TBC1D5: variants seen among roughly 807,000 people sequenced by gnomAD.
The protein encoded by TBC1D5 is TBC1 domain family, member 5.
TBC1D5 carries 75 observed loss-of-function variants against 100.3 expected under a neutral mutation model. The observed-to-expected ratio is 0.75, with a 90% confidence interval of 0.62 to 0.91. The LOEUF (loss-of-function observed/expected upper bound fraction) is 0.91, where lower values mean the gene tolerates loss of function less well. Among genes scored for constraint, TBC1D5 ranks in the 40% least tolerant of loss-of-function variants. TBC1D5 has a pLI of 0.00. For synonymous variants in TBC1D5, 323 were observed against 325.6 expected, an observed-to-expected ratio of 0.99 and a Z score of 0.09; for missense variants, 910 against 942.4, an observed-to-expected ratio of 0.97 and a Z score of 0.45.
intron 2 of TBC1D5, among the ~76,000 whole-genome samples, chr3:17,615,801 C>T (rs758347178): frequency 6.6e-5 from 10 of 152,082 alleles, no homozygotes; most frequent in Admixed American, 1.3e-4. Flanking sequence ...GTCTTGCTAG[C>T]GGTCTATCAA....
At chr3:17,714,692 G>T (rs1041337097) in intron 1 of TBC1D5, among the ~76,000 whole-genome samples, 3 of 152,224 alleles carry the variant, frequency 2.0e-5, no homozygotes, top group African/African-American at 7.2e-5. Context: ...AAACAAGTCA[G>T]GCATGGTGGC....
chr3:17,448,923 C>G (rs943562050), intron 3 of TBC1D5, among the ~76,000 whole-genome samples: 1 of 152,220 alleles, frequency 6.6e-6, no homozygotes, highest in African/African-American at 2.4e-5. Flanking sequence ...GACTTCTCCT[C>G]TTTAGCTATA....
chr3:17,721,325 A>G (rs1031865763), intron 1 of TBC1D5, among the ~76,000 whole-genome samples: 3 of 152,176 alleles, frequency 2.0e-5, no homozygotes, highest in South Asian at 2.1e-4. Context: ...TTGGAAAACA[A>G]AAGTGTAATG....
intron 2 of TBC1D5, among the ~76,000 whole-genome samples, chr3:17,620,921 T>C (rs2062608823): frequency 6.6e-6 from 1 of 152,214 alleles, no homozygotes; most frequent in Non-Finnish European, 1.5e-5. Flanking sequence ...TTTGGTTACA[T>C]ACCCACAGGA....
chr3:17,401,339 GTATAATATACATA>G (rs1559805883), intron 8 of TBC1D5, among the ~76,000 whole-genome samples: 6 of 21,130 alleles, frequency 2.8e-4, no homozygotes, highest in African/African-American at 1.1e-3. Context: ...ATACATATAT[GTATAATATACATA>G]TATATGTATG....
At chr3:17,423,016 T>C (rs1219195970) in intron 4 of TBC1D5, among the ~76,000 whole-genome samples, 1 of 152,152 alleles carries the variant, frequency 6.6e-6, no homozygotes, top group Non-Finnish European at 1.5e-5. Flanking sequence ...CTATACCAAC[T>C]TTAATTTTTT....
At chr3:17,627,724 C>A (rs2063174168) in intron 1 of TBC1D5, among the ~76,000 whole-genome samples, 1 of 150,174 alleles carries the variant, frequency 6.7e-6, no homozygotes. Context: ...GAGACGAAAA[C>A]TAAATATCTG....
chr3:17,194,076 T>A (rs1388146810), intron 18 of TBC1D5, among the ~76,000 whole-genome samples: 2 of 152,200 alleles, frequency 1.3e-5, no homozygotes, highest in African/African-American at 2.4e-5. Flanking sequence ...GGTTGGGGCC[T>A]AAGATTCTGC....
chr3:17,354,553 C>T (rs1367850980), intron 13 of TBC1D5, among the ~76,000 whole-genome samples: 6 of 152,108 alleles, frequency 3.9e-5, no homozygotes, highest in Admixed American at 2.6e-4. Flanking sequence ...TTAAAATTAC[C>T]TCCGAGTTGG....
chr3:17,276,449 T>C (rs1199442812), intron 15 of TBC1D5, among the ~76,000 whole-genome samples: 1 of 152,172 alleles, frequency 6.6e-6, no homozygotes, highest in Non-Finnish European at 1.5e-5. Context: ...GTCAGTCTTG[T>C]AGCTGCTCTA....
At chr3:17,218,614 G>A (rs996704189) in intron 17 of TBC1D5, among the ~76,000 whole-genome samples, 8 of 151,828 alleles carry the variant, frequency 5.3e-5, no homozygotes, top group African/African-American at 1.9e-4. Flanking sequence ...AATACTCTCA[G>A]TTTCTATTTA....
At chr3:17,317,631 C>T (rs1043517715) in intron 13 of TBC1D5, among the ~76,000 whole-genome samples, 1 of 151,988 alleles carries the variant, frequency 6.6e-6, no homozygotes, top group East Asian at 1.9e-4. Flanking sequence ...TTTTTAAGGA[C>T]AAATATATAA....
chr3:17,583,908 G>A (rs944509935), intron 2 of TBC1D5, among the ~76,000 whole-genome samples: 9 of 152,278 alleles, frequency 5.9e-5, no homozygotes, highest in South Asian at 2.1e-4. Context: ...ATGTACACGC[G>A]TTTAGAGCAG....
At chr3:17,300,693 C>T (rs2082733750) in intron 14 of TBC1D5, among the ~76,000 whole-genome samples, 1 of 152,106 alleles carries the variant, frequency 6.6e-6, no homozygotes, top group Non-Finnish European at 1.5e-5. Flanking sequence ...GGTAGAAGTG[C>T]CAAGAAGGAA....
At chr3:17,356,994 TAAA>T (rs35947645) in intron 13 of TBC1D5, among the ~76,000 whole-genome samples, 4,028 of 149,282 alleles carry the variant, frequency 0.027, 81 homozygotes, top group Middle Eastern at 0.077. Flanking sequence ...TGTTTTGTGA[TAAA>T]AAAAAAAAAT....
At chr3:17,235,196 C>T (rs2148968096) in intron 17 of TBC1D5, among the ~76,000 whole-genome samples, 1 of 152,246 alleles carries the variant, frequency 6.6e-6, no homozygotes, top group East Asian at 1.9e-4. Context: ...CTATCCTACC[C>T]CAACACAAAG....
At chr3:17,537,448 T>C (rs1000450204) in intron 2 of TBC1D5, among the ~76,000 whole-genome samples, 1 of 152,174 alleles carries the variant, frequency 6.6e-6, no homozygotes, top group Non-Finnish European at 1.5e-5. Flanking sequence ...GAGAATTCAG[T>C]TCTTCTGGTT....
rs553742500 is a variant in TBC1D5, at chr3:17,218,579, T to G, written c.1589-4209A>C. Among the ~76,000 whole-genome samples, 5 of 152,142 alleles carry G rather than the reference T, an allele frequency of 3.3e-5. 1 individual carries two copies. In the South Asian group the frequency reaches 1.0e-3, roughly 31 times the overall value. ...CCTGAAGGACTTTCTTTATTATGTCTTATAGGGAAGGTTTACTAGTATTGA... is the reference window on the plus strand; with the variant it reads ...CCTGAAGGACTTTCTTTATTATGTCGTATAGGGAAGGTTTACTAGTATTGA... On this transcript the variant is annotated intron_variant, in intron 17 of 21. Coordinates refer to ENST00000253692, the Ensembl canonical transcript of TBC1D5.
At chr3:17,469,046 A>T (rs1264800598) in intron 3 of TBC1D5, among the ~76,000 whole-genome samples, 1 of 152,172 alleles carries the variant, frequency 6.6e-6, no homozygotes, top group African/African-American at 2.4e-5. Flanking sequence ...ATGAACACAG[A>T]ACTGGAGTCT....
Sources: allele counts gnomAD v4.1 joint callset (sites outside exome capture counted in the v4.1 genomes callset), GRCh38; gene constraint gnomAD v4.1.1; transcripts MANE v1.5; gene names NCBI Gene and HGNC (gene_info 2026-07-23, HGNC 2026-07-21).